Variants in MAGED1 observed in about 807,000 individuals in gnomAD.
MAGED1 encodes the protein melanoma-associated antigen D1.
A neutral mutation model predicts 54.1 loss-of-function variants in MAGED1; 3 were observed. The ratio of observed to expected loss-of-function variants is 0.06; its 90% CI spans 0.03 to 0.14. The LOEUF is 0.14. Ranked by LOEUF, MAGED1 falls within the 10% of genes least tolerant of loss-of-function variation. The pLI is 1.00. For missense variants in MAGED1, 485 were observed against 623.4 expected, an observed-to-expected ratio of 0.78 and a Z score of 2.36; for synonymous variants, 217 against 227.3, an observed-to-expected ratio of 0.95 and a Z score of 0.41.
At chrX:51,852,233 T>A (rs1361207401) in intron 1 of MAGED1, among the ~76,000 whole-genome samples, 1 of 111,629 alleles carries the variant, frequency 9.0e-6, no homozygotes, top group African/African-American at 3.3e-5. Context: ...CTGACTCTGA[T>A]CCTCCTGCCT....
At chrX:51,847,873 A>AAATGAGC (rs1557359387) in intron 1 of MAGED1, among the ~76,000 whole-genome samples, 1 of 112,405 alleles carries the variant, frequency 8.9e-6, no homozygotes, top group African/African-American at 3.2e-5. Context: ...TACAATGCTG[A>AAATGAGC]AATGAGCATT....
intron 1 of MAGED1, among the ~76,000 whole-genome samples, chrX:51,829,578 G>A: frequency 1.8e-5 from 2 of 110,155 alleles, no homozygotes. Context: ...GGAAGGGAAG[G>A]GTTGTTGAAA....
At chrX:51,803,637 T>G (rs2146943146) in intron 1 of MAGED1, among the ~76,000 whole-genome samples, 1 of 106,686 alleles carries the variant, frequency 9.4e-6, no homozygotes, top group Admixed American at 1.0e-4. Context: ...CTTTTTTTTT[T>G]TTTTTTTTTT....
intron 1 of MAGED1, among the ~76,000 whole-genome samples, chrX:51,861,770 G>C (rs1927287796): frequency 1.8e-5 from 2 of 111,244 alleles, no homozygotes; most frequent in African/African-American, 3.3e-5. Context: ...TGCAACCTCT[G>C]CCTCCTGGGT....
intron 1 of MAGED1, among the ~76,000 whole-genome samples, chrX:51,875,952 TAGTA>T (rs1447174749): frequency 1.8e-5 from 2 of 111,653 alleles, no homozygotes; most frequent in Admixed American, 9.5e-5. Flanking sequence ...TCCAAGACTA[TAGTA>T]AGTGTTAGAG....
chrX:51,878,311 A>G (rs1033712328), intron 1 of MAGED1, among the ~76,000 whole-genome samples: 1 of 111,385 alleles, frequency 9.0e-6, no homozygotes, highest in Non-Finnish European at 1.9e-5. Flanking sequence ...GGTGTAATCT[A>G]TTTAAGTCTG....
intron 1 of MAGED1, among the ~76,000 whole-genome samples, chrX:51,814,267 T>C (rs1221209955): frequency 2.7e-5 from 3 of 111,837 alleles, no homozygotes; most frequent in Non-Finnish European, 3.8e-5. Context: ...TTGCTGCTGC[T>C]GCTGCCGCTG....
chrX:51,827,460 G>A (rs1216874668), intron 1 of MAGED1, among the ~76,000 whole-genome samples: 1 of 111,561 alleles, frequency 9.0e-6, no homozygotes, highest in African/African-American at 3.3e-5. Flanking sequence ...CTATAATAGT[G>A]GATACATGTG....
intron 1 of MAGED1, among the ~76,000 whole-genome samples, chrX:51,816,365 T>G (rs1475926170): frequency 8.9e-6 from 1 of 111,775 alleles, no homozygotes; most frequent in Non-Finnish European, 1.9e-5. Context: ...TCTGCCTGCC[T>G]GTGCCTCCCA....
intron 1 of MAGED1, among the ~76,000 whole-genome samples, chrX:51,827,670 T>C (rs1358123604): frequency 9.0e-6 from 1 of 111,693 alleles, no homozygotes; most frequent in Non-Finnish European, 1.9e-5. Flanking sequence ...AATCTCTACC[T>C]TGGACTCAGT....
chrX:51,853,733 C>T (rs782629101), intron 1 of MAGED1, among the ~76,000 whole-genome samples: 80 of 112,255 alleles, frequency 7.1e-4, no homozygotes, highest in African/African-American at 2.6e-3. Context: ...TTTCTTTCAT[C>T]AAGATTTTTA....
At chrX:51,849,801 A>G (rs1926818869) in intron 1 of MAGED1, among the ~76,000 whole-genome samples, 2 of 111,952 alleles carry the variant, frequency 1.8e-5, no homozygotes, top group Admixed American at 9.5e-5. Flanking sequence ...AACCATAACT[A>G]TAGAGCTAAA....
In MAGED1 at chrX:51,821,962, C is replaced by T. The variant is rs782347375; in HGVS notation, c.-37+18845C>T. Reference sequence around the variant, plus strand: ...TCATGGTGTGGAGTTCTTTTTAATACGTGTCAGAATTTGGTTTGCTTGTAT... The same window carrying T: ...TCATGGTGTGGAGTTCTTTTTAATATGTGTCAGAATTTGGTTTGCTTGTAT... On this transcript the variant is annotated intron_variant, in intron 1 of 12. Transcript: ENST00000375772. Among the ~76,000 whole-genome samples the T allele has an allele frequency of 3.6e-5, 4 of 111,165 alleles. No individual in the cohort carries two copies. In the East Asian group the frequency reaches 8.6e-4, roughly 24 times the overall value.
chrX:51,855,235 C>T (rs905658623), intron 1 of MAGED1, among the ~76,000 whole-genome samples: 3 of 111,535 alleles, frequency 2.7e-5, no homozygotes, highest in East Asian at 2.8e-4. Context: ...TCCTTTTTTA[C>T]GTATTTTACA....
At chrX:51,838,849 C>T (rs1762505993) in intron 1 of MAGED1, among the ~76,000 whole-genome samples, 1 of 111,450 alleles carries the variant, frequency 9.0e-6, no homozygotes, top group African/African-American at 3.3e-5. Context: ...CTTGCAAACA[C>T]TTGGAGAAAT....
chrX:51,842,834 C>T (rs184428902), intron 1 of MAGED1, among the ~76,000 whole-genome samples: 110 of 109,343 alleles, frequency 1.0e-3, no homozygotes, highest in African/African-American at 3.0e-3. Flanking sequence ...CACAGGTGCG[C>T]ACCACCATGG....
Position 51,895,613 on chromosome X carries a change from G to T in MAGED1, c.606G>T (p.Gln202His). The T allele has an allele frequency of 8.3e-7, 1 of 1,211,260 alleles. No individual in the cohort carries two copies. The highest frequency in any genetic ancestry group is 1.1e-6 in the Non-Finnish European group (1 of 895,323). ...ATACCCAGACCCAGAATGTAAATCA[G>T]GCCAAAATGGCCACTTCCCAGGCTG... is the stretch of plus-strand genomic sequence containing the variant. Reference protein sequence around the residue: ...TADTQTQNVNQAKMATSQADI... With the variant: ...TADTQTQNVNHAKMATSQADI... The change falls in exon 3 of 13, where the codon CAG (glutamine) becomes CAT (histidine). Residue 202 changes from glutamine (Q) to histidine (H), a missense_variant. By Grantham distance (24) the Gln-to-His change is conservative. Coordinates refer to ENST00000326587, the MANE Select transcript of MAGED1 (RefSeq NM_006986.4).
chrX:51,886,639 C>CAAAA (rs34342880), intron 1 of MAGED1, among the ~76,000 whole-genome samples: 89 of 101,145 alleles, frequency 8.8e-4, no homozygotes, highest in Non-Finnish European at 1.6e-3. Flanking sequence ...CCAAAATCTA[C>CAAAA]AAAAAAAAAG....
intron 1 of MAGED1, chrX:51,857,261 T>C (rs1158994864): frequency 8.9e-6 from 1 of 111,864 alleles, no homozygotes; most frequent in African/African-American, 3.2e-5. Context: ...GTAGAAAAAC[T>C]TTCCCAATGC....
Sources: allele counts gnomAD v4.1 joint callset (sites outside exome capture counted in the v4.1 genomes callset), GRCh38; gene constraint gnomAD v4.1.1; transcripts MANE v1.5; gene names NCBI Gene and HGNC (gene_info 2026-07-23, HGNC 2026-07-21).